ZFHX3: variants seen among roughly 807,000 people sequenced by gnomAD.
ZFHX3 encodes zinc finger homeobox protein 3.
Under a neutral mutation model 279.1 loss-of-function variants are expected in ZFHX3, and 42 were observed. The observed-to-expected ratio is 0.15, with a 90% CI of 0.12 to 0.19. ZFHX3 has a LOEUF of 0.19. Ranked by LOEUF, ZFHX3 falls within the 10% of genes least tolerant of loss-of-function variation. The pLI is 1.00. For synonymous variants in ZFHX3, 2,293 were observed against 1,957.8 expected (o/e 1.17, Z -4.52); for missense variants, 4,981 against 4,754.0 (o/e 1.05, Z -1.40).
At chr16:73,208,770 T>C (rs917377233) in intron 5 of ZFHX3, among the ~76,000 whole-genome samples, 1 of 152,184 alleles carries the variant, frequency 6.6e-6, no homozygotes, top group Non-Finnish European at 1.5e-5. Flanking sequence ...ACTTTTATAA[T>C]AGGAAATAAT....
chr16:73,034,965 G>C (rs1010511118), intron 1 of ZFHX3, among the ~76,000 whole-genome samples: 14 of 152,190 alleles, frequency 9.2e-5, no homozygotes, highest in African/African-American at 3.4e-4. Context: ...CTGGTCACAG[G>C]GGTGATGGCT....
At chr16:73,596,931 T>C (rs1227758434) in intron 2 of ZFHX3, among the ~76,000 whole-genome samples, 1 of 151,762 alleles carries the variant, frequency 6.6e-6, no homozygotes, top group African/African-American at 2.4e-5. Flanking sequence ...AAAGCACCTC[T>C]CTTAAAAAGA....
intron 2 of ZFHX3, among the ~76,000 whole-genome samples, chr16:72,956,638 G>A (rs1961263042): frequency 6.6e-6 from 1 of 152,190 alleles, no homozygotes; most frequent in African/African-American, 2.4e-5. Flanking sequence ...TAAAGCAGAG[G>A]TCATTCTTCC....
chr16:73,301,525 A>T (rs1480694612), intron 4 of ZFHX3, among the ~76,000 whole-genome samples: 1 of 152,124 alleles, frequency 6.6e-6, no homozygotes, highest in Non-Finnish European at 1.5e-5. Flanking sequence ...TGCCAATCAA[A>T]AACATCTCCA....
intron 4 of ZFHX3, among the ~76,000 whole-genome samples, chr16:73,303,583 C>A (rs2015107955): frequency 6.6e-6 from 1 of 152,148 alleles, no homozygotes; most frequent in Non-Finnish European, 1.5e-5. Context: ...CACTTTATAA[C>A]TGGATCTCTG....
chr16:73,023,056 C>A (rs528706668), intron 1 of ZFHX3, among the ~76,000 whole-genome samples: 1 of 152,084 alleles, frequency 6.6e-6, no homozygotes, highest in African/African-American at 2.4e-5. Context: ...GGCAAAACCC[C>A]ATCTCTACTA....
intron 4 of ZFHX3, among the ~76,000 whole-genome samples, chr16:72,836,043 A>G (rs1261694662): frequency 2.0e-5 from 3 of 152,234 alleles, no homozygotes; most frequent in Non-Finnish European, 2.9e-5. Context: ...GCTACAATAG[A>G]AACTTTTAAC....
intron 8 of ZFHX3, among the ~76,000 whole-genome samples, chr16:73,072,450 A>G (rs1965836092): frequency 6.6e-6 from 1 of 151,804 alleles, no homozygotes; most frequent in African/African-American, 2.4e-5. Flanking sequence ...GTCTCAAAAA[A>G]AAAAAAAAAA....
At chr16:73,217,218 G>C (rs532863369) in intron 5 of ZFHX3, among the ~76,000 whole-genome samples, 1 of 152,304 alleles carries the variant, frequency 6.6e-6, no homozygotes, top group Admixed American at 6.5e-5. Context: ...GTCATTTCCA[G>C]GGGATTTGCT....
At chr16:72,939,335 T>A (rs1372373527) in intron 3 of ZFHX3, among the ~76,000 whole-genome samples, 1 of 152,096 alleles carries the variant, frequency 6.6e-6, no homozygotes, top group African/African-American at 2.4e-5. Context: ...AATGAGCAGT[T>A]CGTAAAGAAT....
At chr16:73,144,805 C>T (rs1471464691) in intron 5 of ZFHX3, among the ~76,000 whole-genome samples, 6 of 152,176 alleles carry the variant, frequency 3.9e-5, no homozygotes, top group Non-Finnish European at 7.3e-5. Flanking sequence ...TGGCTAATGC[C>T]TGCACTGAAG....
intron 2 of ZFHX3, chr16:73,609,721 T>C (rs2052226576): frequency 6.6e-6 from 1 of 151,814 alleles, no homozygotes; most frequent in Non-Finnish European, 1.5e-5. Flanking sequence ...TGAAGGCATA[T>C]GTATATTCAT....
intron 1 of ZFHX3, among the ~76,000 whole-genome samples, chr16:73,012,907 T>C (rs1326687225): frequency 2.0e-5 from 3 of 152,168 alleles, no homozygotes; most frequent in African/African-American, 4.8e-5. Flanking sequence ...AAGGAATGAA[T>C]TGTCATTTGC....
chr16:72,900,683 T>C (rs1321399897), intron 3 of ZFHX3, among the ~76,000 whole-genome samples: 1 of 152,184 alleles, frequency 6.6e-6, no homozygotes, highest in African/African-American at 2.4e-5. Flanking sequence ...CGGAAGCACC[T>C]GGGAGGCATG....
chr16:73,551,610 C>A (rs2020205368), intron 2 of ZFHX3, among the ~76,000 whole-genome samples: 2 of 152,142 alleles, frequency 1.3e-5, no homozygotes, highest in African/African-American at 4.8e-5. Flanking sequence ...CAGTCTGGAA[C>A]CTCTAGAGCT....
intron 1 of ZFHX3, among the ~76,000 whole-genome samples, chr16:72,981,923 T>A (rs1962618458): frequency 7.0e-6 from 1 of 143,706 alleles, no homozygotes. Context: ...CGCTCTGTCA[T>A]CCAGGCTGGA....
chr16:73,229,649 A>C (rs2012711041), intron 5 of ZFHX3, among the ~76,000 whole-genome samples: 1 of 152,212 alleles, frequency 6.6e-6, no homozygotes, highest in Non-Finnish European at 1.5e-5. Flanking sequence ...GCATGGTTCA[A>C]AAGGGACTAG....
chr16:73,678,896 T>C (rs1165135900), intron 2 of ZFHX3, among the ~76,000 whole-genome samples: 2 of 152,176 alleles, frequency 1.3e-5, no homozygotes, highest in Non-Finnish European at 2.9e-5. Context: ...TGGGCTCTGA[T>C]GTGCATCAAA....
rs538541598 is a variant in ZFHX3 at position 73,692,607 on chromosome 16, T to C, written c.-1607-12367A>G. The stretch of plus-strand genomic sequence containing the variant: ...CTCTTCCCTAGGAAAAAGAAATTAC[T>C]GCCATTTCTCAACTGAATTATGGTG... On this transcript the variant is annotated intron_variant, in intron 1 of 17. Coordinates refer to the ZFHX3 transcript ENST00000641206. Among the ~76,000 whole-genome samples, 9 of 152,378 alleles carry C rather than the reference T, an allele frequency of 5.9e-5. No homozygotes were observed. In the South Asian group the frequency reaches 1.9e-3, roughly 32 times the overall value.
Sources: allele counts gnomAD v4.1 joint callset (sites outside exome capture counted in the v4.1 genomes callset), GRCh38; gene constraint gnomAD v4.1.1; transcripts MANE v1.5; gene names NCBI Gene and HGNC (gene_info 2026-07-23, HGNC 2026-07-21).